Variants in STK32B observed in about 807,000 individuals in gnomAD.
STK32B encodes serine/threonine-protein kinase 32B.
A neutral mutation model predicts 52.6 loss-of-function variants in STK32B; 43 were observed. The ratio of observed to expected loss-of-function variants is 0.82; its 90% CI spans 0.64 to 1.05. STK32B has a LOEUF of 1.05. Ranked by LOEUF, STK32B falls within the 50% of genes least tolerant of loss-of-function variation. STK32B has a pLI of 0.00. For missense variants in STK32B, 621 were observed against 534.6 expected (o/e 1.16, Z -1.59); for synonymous variants, 238 against 204.3 (o/e 1.17, Z -1.41).
At chr4:5,491,053 T>G (rs1719691222) in intron 11 of STK32B, among the ~76,000 whole-genome samples, 1 of 152,234 alleles carries the variant, frequency 6.6e-6, no homozygotes, top group African/African-American at 2.4e-5. Context: ...TGTGTCTTTA[T>G]AGCAGCATGA....
chr4:5,021,388 G>C, the STK32B span, among the ~76,000 whole-genome samples: 1 of 152,184 alleles, frequency 6.6e-6, no homozygotes, highest in Non-Finnish European at 1.5e-5. Flanking sequence ...GCTTGGAGGT[G>C]GCAAGTGGAG....
At chr4:5,075,908 C>T (rs949251025) in intron 1 of STK32B, among the ~76,000 whole-genome samples, 1 of 152,160 alleles carries the variant, frequency 6.6e-6, no homozygotes, top group East Asian at 1.9e-4. Flanking sequence ...TTGTTTCAGT[C>T]AGTTTTTGCT....
chr4:5,169,390 G>A lies in STK32B; in HGVS notation c.260+940G>A, dbSNP rs186093454. Among the ~76,000 whole-genome samples the A allele has an allele frequency of 5.9e-5, 9 of 152,260 alleles. No homozygotes were observed. In the East Asian group the frequency reaches 1.2e-3, roughly 20 times the overall value. On this transcript the variant is annotated intron_variant, in intron 3 of 11. Coordinates refer to ENST00000282908, the MANE Select transcript of STK32B (RefSeq NM_018401.3). ...ACAAATTCTGACCATTTCATTCAGC[G>A]GATCAGTTGACCCACTGACCTTAAG...
At chr4:5,034,227 C>T in the STK32B span, among the ~76,000 whole-genome samples, 2 of 152,204 alleles carry the variant, frequency 1.3e-5, no homozygotes, top group Non-Finnish European at 2.9e-5. Flanking sequence ...GCCACTGCGT[C>T]TCTTGCAACT....
the STK32B span, among the ~76,000 whole-genome samples, chr4:5,021,821 T>G: frequency 1.3e-5 from 2 of 152,126 alleles, no homozygotes; most frequent in African/African-American, 4.8e-5. Flanking sequence ...GCTGTAGCCA[T>G]AAGCTGTCAC....
chr4:5,382,489 C>G (rs1426192268), intron 4 of STK32B, among the ~76,000 whole-genome samples: 1 of 152,062 alleles, frequency 6.6e-6, no homozygotes, highest in Non-Finnish European at 1.5e-5. Flanking sequence ...TCATCTGTGT[C>G]CTCCTTCCCC....
intron 4 of STK32B, among the ~76,000 whole-genome samples, chr4:5,373,675 A>G (rs10213273): frequency 0.029 from 4,451 of 152,236 alleles, 81 homozygotes; most frequent in East Asian, 0.073. Context: ...TCCCATCTGC[A>G]GGGCCCCTAG....
In STK32B at chr4:5,052,362, C is replaced by T. The variant is rs1577611253; in HGVS notation, c.52+447C>T. Among the ~76,000 whole-genome samples the T allele has an allele frequency of 3.9e-5, 6 of 152,088 alleles. No homozygotes were observed. The South Asian group carries it at 1.2e-3, about 32-fold the overall frequency. On this transcript the variant is annotated intron_variant, in intron 1 of 11. Transcript: ENST00000282908. Reference sequence around the variant, plus strand: ...TGCGCGTGCCCACGACGCATTTGGTCTCGTGCAAGGGCCTGTTGGATGCAG... The same window carrying T: ...TGCGCGTGCCCACGACGCATTTGGTTTCGTGCAAGGGCCTGTTGGATGCAG...
At chr4:5,183,706 C>T (rs111376723) in intron 3 of STK32B, among the ~76,000 whole-genome samples, 1,760 of 152,270 alleles carry the variant, frequency 0.012, 28 homozygotes, top group African/African-American at 0.036. Flanking sequence ...GGTGTAGCCA[C>T]CTTTGTCAAT....
chr4:5,389,012 C>T (rs998357381), intron 4 of STK32B, among the ~76,000 whole-genome samples: 1 of 152,140 alleles, frequency 6.6e-6, no homozygotes, highest in African/African-American at 2.4e-5. Flanking sequence ...AAAAAATCAG[C>T]AACCCCCAAG....
At chr4:5,461,510 C>T (rs904448101) in intron 9 of STK32B, among the ~76,000 whole-genome samples, 7 of 152,326 alleles carry the variant, frequency 4.6e-5, no homozygotes, top group Middle Eastern at 3.4e-3. Context: ...CGCACACGCA[C>T]GTTTCTGAAC....
the STK32B span, among the ~76,000 whole-genome samples, chr4:5,033,912 A>G: frequency 6.6e-6 from 1 of 152,196 alleles, no homozygotes; most frequent in African/African-American, 2.4e-5. Flanking sequence ...ATGCAAATAC[A>G]TGGAAACTCA....
At chr4:5,289,685 A>AT (rs56211807) in intron 3 of STK32B, among the ~76,000 whole-genome samples, 2,957 of 86,638 alleles carry the variant, frequency 0.034, 112 homozygotes, top group East Asian at 0.046. Context: ...TGCCCGGCTA[A>AT]TTTTTTTTTT....
intron 1 of STK32B, among the ~76,000 whole-genome samples, chr4:5,099,454 G>GCGCGCATGCGCGCGCACA (rs1553823534): frequency 7.7e-6 from 1 of 129,744 alleles, no homozygotes; most frequent in Non-Finnish European, 1.9e-5. Context: ...GTGTGTGCGC[G>GCGCGCATGCGCGCGCACA]CGCGCGTATG....
chr4:5,169,726 T>C (rs1719205445), intron 3 of STK32B, among the ~76,000 whole-genome samples: 1 of 152,104 alleles, frequency 6.6e-6, no homozygotes, highest in South Asian at 2.1e-4. Context: ...CCGTCATGTT[T>C]TGATTGCTAT....
At chr4:5,096,236 A>T (rs917311775) in intron 1 of STK32B, among the ~76,000 whole-genome samples, 1 of 152,240 alleles carries the variant, frequency 6.6e-6, no homozygotes, top group African/African-American at 2.4e-5. Context: ...ATCCTTTTAG[A>T]ATTTTCAGAC....
chr4:5,221,324 C>G (rs1424960422), intron 3 of STK32B, among the ~76,000 whole-genome samples: 1 of 152,184 alleles, frequency 6.6e-6, no homozygotes. Flanking sequence ...AATGGGCACG[C>G]ATTCCTGAGA....
rs571890292 is a variant in STK32B at position 5,211,141 on chromosome 4, G to T, written c.260+42691G>T. 5.9e-5 allele frequency among the ~76,000 whole-genome samples: 9 copies of T among 152,114 alleles called. No homozygotes were observed. In the South Asian group the frequency reaches 1.9e-3, roughly 32 times the overall value. ...TGTCTTGAAGAGTCCCGTGAATAGTGGCATACCAAAAGCTCTGAGAATTCC... is the reference window on the plus strand; with the variant it reads ...TGTCTTGAAGAGTCCCGTGAATAGTTGCATACCAAAAGCTCTGAGAATTCC... On this transcript the variant is annotated intron_variant, in intron 3 of 11. Transcript: ENST00000282908.
intron 4 of STK32B, among the ~76,000 whole-genome samples, chr4:5,381,635 A>T (rs1253893222): frequency 6.6e-6 from 1 of 152,188 alleles, no homozygotes; most frequent in East Asian, 1.9e-4. Context: ...CGCTACCCAG[A>T]GGTGTGGATT....
Sources: gnomAD v4.1 joint callset for allele counts (sites outside exome capture counted in the v4.1 genomes callset) on GRCh38, gnomAD v4.1.1 for gene constraint, MANE v1.5 for transcripts, NCBI Gene and HGNC (gene_info 2026-07-23, HGNC 2026-07-21) for gene names.